DPYSL2: variants seen among roughly 807,000 people sequenced by gnomAD.
The protein encoded by DPYSL2 is dihydropyrimidinase like 2, also known as dihydropyrimidinase-related protein 2.
Under a neutral mutation model 69.9 loss-of-function variants are expected in DPYSL2, and 13 were observed. That is an observed-to-expected ratio of 0.19 (90% confidence interval 0.12 to 0.30). The LOEUF (loss-of-function observed/expected upper bound fraction) is 0.30. Among genes scored for constraint, DPYSL2 ranks in the 10% least tolerant of loss-of-function variants. The pLI is 1.00. For missense variants in DPYSL2, 587 were observed against 918.9 expected, an observed-to-expected ratio of 0.64 and a Z score of 4.67; for synonymous variants, 326 against 359.1, an observed-to-expected ratio of 0.91 and a Z score of 1.04.
At chr8:26,548,374 C>A in intron 1 of DPYSL2, 1 of 250,444 alleles carries the variant, frequency 4.0e-6, no homozygotes, top group Admixed American at 4.5e-5. Flanking sequence ...ATTGTTAACC[C>A]AAAGGGTGAA....
chr8:26,600,033 G>T (rs902221355), intron 3 of DPYSL2, among the ~76,000 whole-genome samples: 1 of 152,124 alleles, frequency 6.6e-6, no homozygotes, highest in African/African-American at 2.4e-5. Context: ...TTTATAGCTG[G>T]CTTCTTTCCC....
At chr8:26,535,588 G>A (rs1550610) in intron 1 of DPYSL2, among the ~76,000 whole-genome samples, 6,191 of 151,058 alleles carry the variant, frequency 0.041, 240 homozygotes, top group African/African-American at 0.1. Flanking sequence ...AGCATGCTAT[G>A]TTTGGGCCCG....
chr8:26,634,755 C>G lies in DPYSL2; in HGVS notation c.1006-25C>G, dbSNP rs757739917. On this transcript the variant is annotated intron_variant, in intron 7 of 13. Coordinates refer to ENST00000521913, the MANE Select transcript of DPYSL2 (RefSeq NM_001197293.3). ...CTCGTGGGGTGGGCTGAGCCACATT[C>G]TCATGCTCTGCTGCTGTTTTGCAGG... is the stretch of plus-strand genomic sequence containing the variant. The G allele has an allele frequency of 5.0e-5, 81 of 1,613,778 alleles. 2 individuals are homozygous for G. The highest frequency in any genetic ancestry group is 8.5e-7 in the Non-Finnish European group (1 of 1,179,912).
chr8:26,549,439 T>C (rs138369950), intron 1 of DPYSL2, among the ~76,000 whole-genome samples: 75 of 151,892 alleles, frequency 4.9e-4, no homozygotes, highest in Non-Finnish European at 7.5e-4. Context: ...TTACCAAAGA[T>C]TTAATATATG....
rs1287503778 is a variant in DPYSL2, at chr8:26,556,670, A to T, written c.355-25299A>T. 3.3e-5 allele frequency among the ~76,000 whole-genome samples: 5 copies of T among 151,934 alleles called. No homozygotes were observed. In the East Asian group the frequency reaches 7.7e-4, roughly 24 times the overall value. ...GTTCATAGATAGATGGATTGTCATG[A>T]TCTTCCCGGTTTGATCCACACATTA... On this transcript the variant is annotated intron_variant, in intron 1 of 13. Coordinates refer to ENST00000521913, the MANE Select transcript of DPYSL2 (RefSeq NM_001197293.3).
In DPYSL2 at chr8:26,569,354, C is replaced by CAGA. The variant is rs1801200395; in HGVS notation, c.355-12614_355-12613insGAA. On this transcript the variant is annotated intron_variant, in intron 1 of 13. Transcript: ENST00000521913. ...GGGTGACAGGGCAAGACCCTATCTCCAAAAAAAAAACAAAAACAAAAACAA... is the reference window on the plus strand; with the variant it reads ...GGGTGACAGGGCAAGACCCTATCTCCAGAAAAAAAAAAACAAAAACAAAAACAA... 6.5e-4 allele frequency among the ~76,000 whole-genome samples: 34 copies of CAGA among 52,274 alleles called. 1 individual carries two copies. The allele number at this position is 52,274 out of a possible 152,430, so 34.3% of individuals were successfully genotyped here. A position where few individuals can be genotyped will look rare whatever the true frequency, so the allele number is the denominator to read the frequency against.
intron 1 of DPYSL2, among the ~76,000 whole-genome samples, chr8:26,569,447 G>A (rs943994813): frequency 3.9e-5 from 6 of 152,006 alleles, no homozygotes; most frequent in Non-Finnish European, 8.8e-5. Flanking sequence ...TGCATATCTG[G>A]GAGGCAACAG....
intron 3 of DPYSL2, among the ~76,000 whole-genome samples, chr8:26,611,628 C>T (rs959586319): frequency 4.6e-5 from 7 of 152,220 alleles, no homozygotes; most frequent in African/African-American, 9.7e-5. Context: ...GATGTCGCCC[C>T]ACACTGAGCC....
chr8:26,610,824 G>A lies in DPYSL2; in HGVS notation c.629-13319G>A, dbSNP rs914187245. On this transcript the variant is annotated intron_variant, in intron 3 of 13. Transcript: ENST00000521913. The surrounding 1 kb of genome is among the most constrained non-coding windows in gnomAD (Gnocchi z 4.5). Reference sequence around the variant, plus strand: ...TTTTTACTATTTAACACACGATTTTGTAGGCCCTACTGTTGTTAGCTGTTC... The same window carrying A: ...TTTTTACTATTTAACACACGATTTTATAGGCCCTACTGTTGTTAGCTGTTC... Among the ~76,000 whole-genome samples, 2 of 152,188 alleles carry A rather than the reference G, an allele frequency of 1.3e-5. No homozygotes were observed. Among genetic ancestry groups the A allele is most frequent in the African/African-American group, 4.8e-5 (2 of 41,438 alleles).
At chr8:26,522,379 GCT>G (rs1369220942) in intron 1 of DPYSL2, among the ~76,000 whole-genome samples, 2 of 152,220 alleles carry the variant, frequency 1.3e-5, no homozygotes, top group African/African-American at 4.8e-5. Flanking sequence ...AAGTAGAATT[GCT>G]GGTCATGTAA....
intron 3 of DPYSL2, among the ~76,000 whole-genome samples, chr8:26,599,768 T>G (rs1345215503): frequency 6.6e-6 from 1 of 151,630 alleles, no homozygotes; most frequent in Non-Finnish European, 1.5e-5. Flanking sequence ...TAGATATGAT[T>G]TGTATACCCT....
chr8:26,582,154 C>A lies in DPYSL2; in HGVS notation c.443+97C>A. The A allele has an allele frequency of 1.0e-6, 1 of 972,640 alleles. No homozygotes were observed. Among genetic ancestry groups the A allele is most frequent in the Non-Finnish European group, 1.6e-6 (1 of 635,978 alleles). The allele number at this position is 972,640 out of a possible 1,614,324, so 60.3% of individuals were successfully genotyped here. A position where few individuals can be genotyped will look rare whatever the true frequency, so the allele number is the denominator to read the frequency against. On this transcript the variant is annotated intron_variant, in intron 2 of 13. Coordinates refer to ENST00000521913, the MANE Select transcript of DPYSL2 (RefSeq NM_001197293.3). The surrounding 1 kb of genome is among the most constrained non-coding windows in gnomAD (Gnocchi z 4.1). ...CATCCAAAGTATCAAACTTCAGGAACATCAGAGAGTGACCAACTTAGTATC... is the reference window on the plus strand; with the variant it reads ...CATCCAAAGTATCAAACTTCAGGAAAATCAGAGAGTGACCAACTTAGTATC...
At chr8:26,518,254 A>G (rs1282084871) in intron 1 of DPYSL2, among the ~76,000 whole-genome samples, 2 of 152,144 alleles carry the variant, frequency 1.3e-5, no homozygotes, top group Non-Finnish European at 2.9e-5. Flanking sequence ...TACAGGTCAT[A>G]TTGGTTCAAA....
chr8:26,615,384 C>T (rs1005037807), intron 3 of DPYSL2, among the ~76,000 whole-genome samples: 1 of 152,166 alleles, frequency 6.6e-6, no homozygotes, highest in Non-Finnish European at 1.5e-5. Flanking sequence ...GGTGGCCTGG[C>T]CCCTCCGCAT....
intron 3 of DPYSL2, among the ~76,000 whole-genome samples, chr8:26,600,725 G>T (rs1801971886): frequency 6.6e-6 from 1 of 152,116 alleles, no homozygotes; most frequent in Non-Finnish European, 1.5e-5. Flanking sequence ...AGCCCTCTTA[G>T]CTCTCCCCAC....
Position 26,626,630 on chromosome 8 carries a change from C to T in DPYSL2, c.807C>T (p.Phe269=), listed in dbSNP as rs1348127134. ...ALVKDHGVNS[F]LVYMAFKDRF... ...TGTCCGCACTAGGGGTAAATTCCTT[C>T]CTCGTGTACATGGCTTTCAAAGATC... is the stretch of plus-strand genomic sequence containing the variant. Residue 269 remains phenylalanine (F), a synonymous_variant, in exon 5 of 14, where the codon TTC becomes TTT. Transcript: ENST00000521913. The surrounding 1 kb of genome is among the most constrained non-coding windows in gnomAD (Gnocchi z 4.3). 1 of 1,614,140 alleles carries T rather than the reference C, an allele frequency of 6.2e-7. No individual in the cohort carries two copies.
chr8:26,542,504 C>T (rs1244411212), intron 1 of DPYSL2, among the ~76,000 whole-genome samples: 1 of 151,966 alleles, frequency 6.6e-6, no homozygotes, highest in Non-Finnish European at 1.5e-5. Context: ...TCACTGGAAC[C>T]TCAACCTCGT....
chr8:26,592,813 G>C (rs1801773358), intron 3 of DPYSL2, among the ~76,000 whole-genome samples: 1 of 152,116 alleles, frequency 6.6e-6, no homozygotes, highest in African/African-American at 2.4e-5. Context: ...GACTGTGGGT[G>C]GCCAAGGGAT....
At chr8:26,612,640 T>C (rs1419688924) in intron 3 of DPYSL2, among the ~76,000 whole-genome samples, 1 of 152,212 alleles carries the variant, frequency 6.6e-6, no homozygotes, top group Non-Finnish European at 1.5e-5. Flanking sequence ...TCACTTGAGC[T>C]CATTATCTGA....
Sources: allele counts gnomAD v4.1 joint callset (sites outside exome capture counted in the v4.1 genomes callset), GRCh38; gene constraint gnomAD v4.1.1; non-coding constraint Gnocchi (gnomAD v3.1); transcripts MANE v1.5; gene names NCBI Gene and HGNC (gene_info 2026-07-23, HGNC 2026-07-21).